MANSC1: variants seen among roughly 807,000 people sequenced by gnomAD.
MANSC1 encodes MANSC domain containing 1.
Under a neutral mutation model 14.1 loss-of-function variants are expected in MANSC1, and 13 were observed. That is an observed-to-expected ratio of 0.92 (90% CI 0.60 to 1.46). MANSC1 has a LOEUF of 1.46. MANSC1 is among the 40% of genes most tolerant of loss of function. The probability of loss-of-function intolerance (pLI) is 0.00; values close to 1 mark genes in which losing one functional copy is unlikely to be tolerated. For missense variants in MANSC1, 486 were observed against 511.4 expected (o/e 0.95, Z 0.48); for synonymous variants, 227 against 200.7 (o/e 1.13, Z -1.11).
At chr12:12,338,396 G>T (rs372109871) in intron 3 of MANSC1, 24 bp downstream of exon 3, 1 of 1,543,228 alleles carries the variant, frequency 6.5e-7, no homozygotes, top group Non-Finnish European at 8.7e-7. Context: ...AATCACAAAA[G>T]AAAAAGTATA....
intron 1 of MANSC1, among the ~76,000 whole-genome samples, chr12:12,347,996 G>T: frequency 6.6e-6 from 1 of 152,250 alleles, no homozygotes; most frequent in East Asian, 1.9e-4. Context: ...CCGGGACGTG[G>T]AGGTTGCAGT....
rs3741801 is a variant in MANSC1 at position 12,330,384 on chromosome 12, C to G, written c.939G>C (p.Ser313=). The part of the protein sequence containing the change: ...LTTTFQAPTD[S]KGSLETIPFT... ...ACGGTATGGTTTCTAAGCTGCCTTT[C>G]GAGTCCGTAGGTGCCTGAAAGGTGG... The change falls in exon 4 of 4, where the codon TCG becomes TCC. Residue 313 remains serine, a synonymous_variant. Coordinates refer to ENST00000535902, the MANE Select transcript of MANSC1 (RefSeq NM_018050.4). 1.4e-5 allele frequency: 22 copies of G among 1,614,038 alleles called. No individual in the cohort carries two copies. Among genetic ancestry groups the G allele is most frequent in the Non-Finnish European group, 1.8e-5 (21 of 1,180,030 alleles).
At chr12:12,331,133 G>C (rs1209384464) in intron 3 of MANSC1, among the ~76,000 whole-genome samples, 175 bp from the exon 4 acceptor site, 2 of 152,212 alleles carry the variant, frequency 1.3e-5, no homozygotes, top group Non-Finnish European at 2.9e-5. Context: ...TTTGAGGCCA[G>C]GAGTTGGAGA....
rs1023640615 is a variant in MANSC1, at chr12:12,343,399, A to G, written c.-85T>C. The G allele has an allele frequency of 4.7e-6, 4 of 843,654 alleles. No individual in the cohort carries two copies. In the African/African-American group the frequency reaches 6.8e-5, roughly 14 times the overall value. The allele number at this position is 843,654 out of a possible 1,614,324, so 52.3% of individuals were successfully genotyped here. On this transcript the variant is annotated 5_prime_UTR_variant, in exon 2 of 4. Transcript: ENST00000535902. ...AGTTTGCTTTAAGAAGGCTGCACAG[A>G]TGATGAGATTTCTCTCTAGAACAAA...
At position 12,327,629 on chromosome 12, in the gene MANSC1, C is replaced by T. The variant is rs1862724648; in HGVS notation, c.*2398G>A. 1 of 152,118 alleles carries T rather than the reference C, an allele frequency of 6.6e-6. No individual in the cohort carries two copies. Among genetic ancestry groups the T allele is most frequent in the South Asian group, 2.1e-4 (1 of 4,828 alleles). The allele number at this position is 152,118 out of a possible 1,614,324, so 9.4% of individuals were successfully genotyped here. On this transcript the variant is annotated 3_prime_UTR_variant, in exon 4 of 4. Coordinates refer to ENST00000535902, the MANE Select transcript of MANSC1 (RefSeq NM_018050.4). ...TAAAGAGAGGAGAAATTTTAAAATT[C>T]CAAGGCACCTGGTTACTAATCTGAT...
chr12:12,332,318 C>T (rs147604745), intron 3 of MANSC1, among the ~76,000 whole-genome samples: 5 of 152,306 alleles, frequency 3.3e-5, no homozygotes, highest in South Asian at 2.1e-4. Context: ...TTCCTACAGA[C>T]GGATCCAGAG....
chr12:12,333,574 C>G (rs1185098623), intron 3 of MANSC1, among the ~76,000 whole-genome samples: 1 of 152,188 alleles, frequency 6.6e-6, no homozygotes. Context: ...TCCTCCACAC[C>G]TGCTCCATTC....
At position 12,344,913 on chromosome 12, in the gene MANSC1, TC is replaced by T. The variant is rs1312702848; in HGVS notation, c.-100-1500del. 3.0e-3 allele frequency among the ~76,000 whole-genome samples: 180 copies of T among 59,834 alleles called. 5 individuals carry two copies. The highest frequency in any genetic ancestry group is 0.011 in the African/African-American group (174 of 16,538). 39.3% of individuals were successfully genotyped at this position (59,834 alleles called of 152,430 possible). On this transcript the variant is annotated intron_variant, in intron 1 of 3. Transcript: ENST00000535902. ...TCATGTGAGTTAATACTTAATAAAC[TC>T]CCATATATATATATATATATATATA...
chr12:12,328,984 T>TCACACACTCA lies in MANSC1; in HGVS notation c.*1042_*1043insTGAGTGTGTG, dbSNP rs1862744423. On this transcript the variant is annotated 3_prime_UTR_variant, in exon 4 of 4. Transcript: ENST00000535902. ...GCCTGGGTGACAGAGCAAGACTCTG[T>TCACACACTCA]CACACACACACACACACACACACAC... The TCACACACTCA allele has an allele frequency of 7.6e-6, 1 of 131,628 alleles. No homozygotes were observed. Among genetic ancestry groups the TCACACACTCA allele is most frequent in the African/African-American group, 2.9e-5 (1 of 34,936 alleles). The allele number at this position is 131,628 out of a possible 1,614,324, so 8.2% of individuals were successfully genotyped here.
At position 12,343,326 on chromosome 12, in the gene MANSC1, G is replaced by T; in HGVS notation, c.-12C>A. ...CCCCCGAAGAACATTTTAAATTTCA[G>T]TTTAGTTTTGGTCTTCAAAGGTCAA... On this transcript the variant is annotated 5_prime_UTR_variant, in exon 2 of 4. The change creates a new upstream start codon in the 5' untranslated region. Transcript: ENST00000535902. 1 of 1,604,960 alleles carries T rather than the reference G, an allele frequency of 6.2e-7. No homozygotes were observed. Among genetic ancestry groups the T allele is most frequent in the East Asian group, 2.2e-5 (1 of 44,808 alleles).
At chr12:12,333,710 C>T (rs1203474257) in intron 3 of MANSC1, among the ~76,000 whole-genome samples, 1 of 152,178 alleles carries the variant, frequency 6.6e-6, no homozygotes, top group Non-Finnish European at 1.5e-5. Flanking sequence ...TATTTTCAAA[C>T]GACTTCACTG....
intron 1 of MANSC1, among the ~76,000 whole-genome samples, chr12:12,343,957 C>CA (rs1178263478): frequency 6.6e-6 from 1 of 151,742 alleles, no homozygotes; most frequent in African/African-American, 2.4e-5. Flanking sequence ...ACTAAAAATA[C>CA]AAAAAATTAG....
At position 12,346,202 on chromosome 12, in the gene MANSC1, C is replaced by T. The variant is rs891720799; in HGVS notation, c.-100-2788G>A. 4.5e-5 allele frequency among the ~76,000 whole-genome samples: 6 copies of T among 133,094 alleles called. No homozygotes were observed. In the East Asian group the frequency reaches 1.3e-3, roughly 28 times the overall value. 87.3% of individuals were successfully genotyped at this position (133,094 alleles called of 152,430 possible). Reference sequence around the variant, plus strand: ...GCAGGAGAATGGCATGAACCCCAGGCGGAGCTTGCAGCAAGCCGAGATTGC... The same window carrying T: ...GCAGGAGAATGGCATGAACCCCAGGTGGAGCTTGCAGCAAGCCGAGATTGC... On this transcript the variant is annotated intron_variant, in intron 1 of 3. Transcript: ENST00000535902.
chr12:12,347,786 C>T (rs1257885153), intron 1 of MANSC1, among the ~76,000 whole-genome samples: 11 of 152,300 alleles, frequency 7.2e-5, no homozygotes, highest in African/African-American at 1.4e-4. Flanking sequence ...CGCCTGGGCG[C>T]GGTGGCTCAC....
chr12:12,346,490 A>T (rs78299556), intron 1 of MANSC1, among the ~76,000 whole-genome samples: 9,161 of 152,310 alleles, frequency 0.06, 435 homozygotes, highest in East Asian at 0.22. Context: ...TAATCAAAAA[A>T]GTATGGTATT....
chr12:12,341,116 C>T (rs1862927045), intron 2 of MANSC1, among the ~76,000 whole-genome samples: 1 of 152,130 alleles, frequency 6.6e-6, no homozygotes, highest in African/African-American at 2.4e-5. Context: ...AAGCCAGTAG[C>T]AAGTATCAGG....
chr12:12,331,008 G>T, intron 3 of MANSC1, 50 bp from the exon 4 acceptor site: 1 of 1,157,152 alleles, frequency 8.6e-7, no homozygotes, highest in Non-Finnish European at 1.2e-6. Flanking sequence ...TCCATGCTAC[G>T]GTAGGTTAAA....
intron 3 of MANSC1, among the ~76,000 whole-genome samples, chr12:12,333,750 G>A: frequency 6.6e-6 from 1 of 152,138 alleles, no homozygotes; most frequent in Non-Finnish European, 1.5e-5. Flanking sequence ...GACTATTACT[G>A]GGACCCCAGC....
chr12:12,347,641 T>C (rs1863025768), intron 1 of MANSC1, among the ~76,000 whole-genome samples: 1 of 152,184 alleles, frequency 6.6e-6, no homozygotes, highest in Non-Finnish European at 1.5e-5. Flanking sequence ...AATAAGCATA[T>C]GAAAAGGTAT....
Sources: allele counts gnomAD v4.1 joint callset (sites outside exome capture counted in the v4.1 genomes callset), GRCh38; gene constraint gnomAD v4.1.1; transcripts MANE v1.5; gene names NCBI Gene and HGNC (gene_info 2026-07-23, HGNC 2026-07-21).